The following GRID2 variants were observed in gnomAD, a reference collection of about 807,000 sequenced individuals.
GRID2 encodes the protein glutamate ionotropic receptor delta type subunit 2.
GRID2 carries 33 observed loss-of-function variants against 114.8 expected under a neutral mutation model. The ratio of observed to expected loss-of-function variants is 0.29; its 90% CI spans 0.22 to 0.38. The LOEUF is 0.38. GRID2 is among the 10% of genes least tolerant of loss of function. The pLI is 1.00. For synonymous variants in GRID2, 505 were observed against 449.9 expected (o/e 1.12, Z -1.55); for missense variants, 1,184 against 1,257.7 (o/e 0.94, Z 0.89).
intron 14 of GRID2, among the ~76,000 whole-genome samples, chr4:93,651,033 C>T (rs912004497): frequency 9.2e-5 from 14 of 152,150 alleles, no homozygotes; most frequent in Non-Finnish European, 1.9e-4. Context: ...ATTGTAACCA[C>T]CCTGCACAAA....
chr4:92,330,759 C>A (rs557205449), intron 1 of GRID2, among the ~76,000 whole-genome samples: 1 of 151,628 alleles, frequency 6.6e-6, no homozygotes, highest in East Asian at 1.9e-4. Flanking sequence ...AATCATATAG[C>A]CTGTGAATTA....
intron 2 of GRID2, among the ~76,000 whole-genome samples, chr4:92,997,489 C>T (rs1755271981): frequency 1.3e-5 from 2 of 152,114 alleles, no homozygotes; most frequent in Admixed American, 1.3e-4. Flanking sequence ...AGGAGACACA[C>T]ATTATTTTGT....
At chr4:93,406,299 G>A (rs1245828391) in intron 9 of GRID2, among the ~76,000 whole-genome samples, 1 of 152,114 alleles carries the variant, frequency 6.6e-6, no homozygotes, top group Non-Finnish European at 1.5e-5. Context: ...AATTATCCCA[G>A]CTTTCTTGCT....
intron 1 of GRID2, among the ~76,000 whole-genome samples, chr4:92,335,632 A>C: frequency 6.6e-6 from 1 of 152,336 alleles, no homozygotes; most frequent in African/African-American, 2.4e-5. Context: ...TTATGCAATT[A>C]AAGGAAGTCT....
chr4:93,634,827 G>C (rs915460425), intron 14 of GRID2, among the ~76,000 whole-genome samples: 19 of 151,830 alleles, frequency 1.3e-4, no homozygotes, highest in Admixed American at 3.9e-4. Context: ...GGGAGAACTT[G>C]GTGAAAAATC....
At position 92,907,397 on chromosome 4, in the gene GRID2, A is replaced by G. The variant is rs189665883; in HGVS notation, c.245-177598A>G. On this transcript the variant is annotated intron_variant, in intron 2 of 15. Coordinates refer to ENST00000282020, the MANE Select transcript of GRID2 (RefSeq NM_001510.4). ...ATATTATCTACCTGTCCTAGAAACC[A>G]TATAGTCCATTCCAGTTTTAAATTT... 2.8e-3 allele frequency among the ~76,000 whole-genome samples: 429 copies of G among 152,176 alleles called. 2 individuals carry two copies. Among genetic ancestry groups the G allele is most frequent in the Non-Finnish European group, 4.3e-3 (295 of 68,000 alleles).
intron 2 of GRID2, among the ~76,000 whole-genome samples, chr4:92,713,504 T>C (rs993856635): frequency 1.7e-4 from 23 of 134,914 alleles, no homozygotes; most frequent in African/African-American, 5.9e-4. Flanking sequence ...TATATATATA[T>C]ATATATATAT....
chr4:93,009,093 A>G (rs1721855010), intron 2 of GRID2, among the ~76,000 whole-genome samples: 1 of 152,104 alleles, frequency 6.6e-6, no homozygotes, highest in African/African-American at 2.4e-5. Flanking sequence ...TGGCATGAAA[A>G]CAAAGAAATG....
chr4:92,556,054 G>T (rs1232808816), intron 1 of GRID2, among the ~76,000 whole-genome samples: 1 of 152,112 alleles, frequency 6.6e-6, no homozygotes, highest in African/African-American at 2.4e-5. Context: ...AATCTGAGAT[G>T]TAATCTCCAG....
rs540466447 is a variant in GRID2 at position 92,350,430 on chromosome 4, C to T, written c.88+45686C>T. Among the ~76,000 whole-genome samples, 74 of 151,866 alleles carry T rather than the reference C, an allele frequency of 4.9e-4. 1 individual carries two copies. Among genetic ancestry groups the T allele is most frequent in the Non-Finnish European group, 4.4e-4 (30 of 67,770 alleles). On this transcript the variant is annotated intron_variant, in intron 1 of 15. Transcript: ENST00000282020. ...CAATTTCACATTTTTAAAATCACTTCAGAAAAGTTTTCTTGAATTATAATT... is the reference window on the plus strand; with the variant it reads ...CAATTTCACATTTTTAAAATCACTTTAGAAAAGTTTTCTTGAATTATAATT...
chr4:93,731,515 T>G (rs1344502133), intron 14 of GRID2, among the ~76,000 whole-genome samples: 1 of 152,210 alleles, frequency 6.6e-6, no homozygotes, highest in East Asian at 1.9e-4. Flanking sequence ...TGAATGCCCT[T>G]AAACCACAAT....
intron 3 of GRID2, among the ~76,000 whole-genome samples, chr4:93,109,780 T>G (rs1430243111): frequency 6.6e-6 from 1 of 152,168 alleles, no homozygotes; most frequent in African/African-American, 2.4e-5. Context: ...TATATTAAGC[T>G]TGTATTGTGC....
At chr4:92,666,129 A>G (rs915833774) in intron 2 of GRID2, among the ~76,000 whole-genome samples, 1 of 151,402 alleles carries the variant, frequency 6.6e-6, no homozygotes, top group Non-Finnish European at 1.5e-5. Context: ...CTCAGATTCA[A>G]TAAATTCCAT....
rs76824904 is a variant in GRID2 at position 92,526,875 on chromosome 4, A to G, written c.89-63256A>G. The stretch of plus-strand genomic sequence containing the variant: ...TGACTTACTATGGGGTTATCCCTGC[A>G]TAAGTTCATTATAAGTTGAAAATAT... On this transcript the variant is annotated intron_variant, in intron 1 of 15. Coordinates refer to ENST00000282020, the MANE Select transcript of GRID2 (RefSeq NM_001510.4). Among the ~76,000 whole-genome samples the G allele has an allele frequency of 9.2e-5, 14 of 152,198 alleles. No homozygotes were observed. The East Asian group carries it at 2.7e-3, about 30-fold the overall frequency.
At chr4:93,429,256 T>C (rs1769166980) in intron 10 of GRID2, among the ~76,000 whole-genome samples, 1 of 152,190 alleles carries the variant, frequency 6.6e-6, no homozygotes. Context: ...CAGATTCCCA[T>C]CCCTATAAGG....
intron 4 of GRID2, among the ~76,000 whole-genome samples, chr4:93,115,327 C>T (rs1356334942): frequency 2.0e-5 from 3 of 151,322 alleles, no homozygotes; most frequent in Non-Finnish European, 4.4e-5. Context: ...AATATCCTGC[C>T]ACTGTTCCTC....
intron 8 of GRID2, among the ~76,000 whole-genome samples, chr4:93,239,243 G>A (rs1223842466): frequency 6.8e-6 from 1 of 147,024 alleles, no homozygotes; most frequent in African/African-American, 2.5e-5. Context: ...GATATATTTG[G>A]TAGGGAAATA....
At chr4:92,777,279 C>T (rs1270202032) in intron 2 of GRID2, among the ~76,000 whole-genome samples, 1 of 151,942 alleles carries the variant, frequency 6.6e-6, no homozygotes, top group African/African-American at 2.4e-5. Context: ...TTTAAAAATA[C>T]TATATACTAT....
intron 1 of GRID2, among the ~76,000 whole-genome samples, chr4:92,380,326 A>G (rs1729559338): frequency 6.6e-6 from 1 of 151,938 alleles, no homozygotes; most frequent in South Asian, 2.1e-4. Flanking sequence ...CTTCCTTAGC[A>G]TATGTATTTT....
Sources: allele counts gnomAD v4.1 joint callset (sites outside exome capture counted in the v4.1 genomes callset), GRCh38; gene constraint gnomAD v4.1.1; transcripts MANE v1.5; gene names NCBI Gene and HGNC (gene_info 2026-07-23, HGNC 2026-07-21).